The following COQ10B variants were observed in gnomAD, a reference collection of about 807,000 sequenced individuals.
The protein encoded by COQ10B is coenzyme Q-binding protein COQ10 homolog B, mitochondrial.
In COQ10B, 12 loss-of-function variants were observed where a neutral mutation model predicts 27.6. The ratio of observed to expected loss-of-function variants is 0.43; its 90% CI spans 0.28 to 0.70. The LOEUF (loss-of-function observed/expected upper bound fraction) is 0.70, where lower values mean the gene tolerates loss of function less well. Among genes scored for constraint, COQ10B ranks in the 30% least tolerant of loss-of-function variants. The pLI is 0.17. For missense variants in COQ10B, 278 were observed against 288.7 expected, an observed-to-expected ratio of 0.96 and a Z score of 0.27; for synonymous variants, 115 against 103.0, an observed-to-expected ratio of 1.12 and a Z score of -0.71.
Position 197,460,216 on chromosome 2 carries a change from T to C in COQ10B, c.254+135T>C, listed in dbSNP as rs532088613. 58 of 572,690 alleles carry C rather than the reference T, an allele frequency of 1.0e-4. 1 individual carries two copies. The highest frequency in any genetic ancestry group is 6.3e-4 in the Admixed American group (15 of 23,814). The allele number at this position is 572,690 out of a possible 1,614,324, so 35.5% of individuals were successfully genotyped here. On this transcript the variant is annotated intron_variant, in intron 2 of 4. Coordinates refer to ENST00000263960, the MANE Select transcript of COQ10B (RefSeq NM_025147.5). ...TTTCTAGGTTGGCCTTTTTCTTTTT[T>C]TTTTTTTTTTCTTTTGAGATGGAGT... is the stretch of plus-strand genomic sequence containing the variant.
chr2:197,472,800 CAAAAAAAA>C (rs34942079), intron 4 of COQ10B, among the ~76,000 whole-genome samples: 16 of 96,060 alleles, frequency 1.7e-4, no homozygotes, highest in African/African-American at 5.1e-4. Flanking sequence ...GGCTCCATCT[CAAAAAAAA>C]AAAAAAAAAA....
At chr2:197,458,270 G>A (rs141691156) in intron 1 of COQ10B, among the ~76,000 whole-genome samples, 1 of 152,050 alleles carries the variant, frequency 6.6e-6, no homozygotes, top group Non-Finnish European at 1.5e-5. Context: ...TGCTACTAAT[G>A]CCTATGTGTA....
At position 197,474,689 on chromosome 2, in the gene COQ10B, A is replaced by T. The variant is rs909073584; in HGVS notation, c.*765A>T. ...CAACAGAGGGAGACTCTGTCTCCAA[A>T]AACAAAAACAAAAACTGTTAGTGAA... On this transcript the variant is annotated 3_prime_UTR_variant, in exon 5 of 5. Coordinates refer to ENST00000263960, the MANE Select transcript of COQ10B (RefSeq NM_025147.5). 28 of 152,482 alleles carry T rather than the reference A, an allele frequency of 1.8e-4. No individual in the cohort carries two copies. Among genetic ancestry groups the T allele is most frequent in the African/African-American group, 6.3e-4 (26 of 41,568 alleles). 9.4% of individuals were successfully genotyped at this position (152,482 alleles called of 1,614,324 possible).
intron 3 of COQ10B, among the ~76,000 whole-genome samples, chr2:197,463,994 T>TACACACAC (rs1272219094): frequency 7.9e-5 from 4 of 50,856 alleles, no homozygotes; most frequent in Admixed American, 3.7e-4. Flanking sequence ...TATATATATA[T>TACACACAC]ATACACACAC....
chr2:197,472,840 C>G (rs1049821082), intron 4 of COQ10B, among the ~76,000 whole-genome samples: 1 of 149,288 alleles, frequency 6.7e-6, no homozygotes, highest in Non-Finnish European at 1.5e-5. Flanking sequence ...AAACCACTTA[C>G]ACCATCTGCC....
rs1263214767 is a variant in COQ10B, at chr2:197,474,888, G to T, written c.*964G>T. 6.8e-6 allele frequency: 1 copy of T among 146,796 alleles called. No individual in the cohort carries two copies. Among genetic ancestry groups the T allele is most frequent in the Non-Finnish European group, 1.5e-5 (1 of 67,532 alleles). The allele number at this position is 146,796 out of a possible 1,614,324, so 9.1% of individuals were successfully genotyped here. A position where few individuals can be genotyped will look rare whatever the true frequency, so the allele number is the denominator to read the frequency against. The stretch of plus-strand genomic sequence containing the variant: ...TTTCCAGTAGTTTGCCACTTTCTCC[G>T]AGGTAGTTTGGCTGCTCTTTCAGTA... On this transcript the variant is annotated 3_prime_UTR_variant, in exon 5 of 5. Transcript: ENST00000263960.
chr2:197,466,477 A>G (rs1276504334), intron 3 of COQ10B, among the ~76,000 whole-genome samples: 1 of 152,174 alleles, frequency 6.6e-6, no homozygotes, highest in African/African-American at 2.4e-5. Flanking sequence ...CTCCTTGACA[A>G]GACTGTGGTA....
chr2:197,458,581 A>G (rs2085724175), intron 1 of COQ10B, among the ~76,000 whole-genome samples: 1 of 152,174 alleles, frequency 6.6e-6, no homozygotes, highest in Non-Finnish European at 1.5e-5. Flanking sequence ...AGCTCAGTAA[A>G]TATGTGGATA....
At chr2:197,470,279 G>C in intron 4 of COQ10B, 108 bp downstream of exon 4, 1 of 608,432 alleles carries the variant, frequency 1.6e-6, no homozygotes, top group Non-Finnish European at 3.0e-6. Flanking sequence ...ACCTTTTTCT[G>C]CATAAATGCT....
chr2:197,470,755 C>T (rs1162833095), intron 4 of COQ10B, among the ~76,000 whole-genome samples: 14 of 152,088 alleles, frequency 9.2e-5, no homozygotes, highest in Admixed American at 7.9e-4. Context: ...ATTAGCCGGG[C>T]GTGGTGGCAT....
intron 1 of COQ10B, among the ~76,000 whole-genome samples, chr2:197,458,904 A>T (rs1260696504): frequency 2.6e-5 from 4 of 152,078 alleles, no homozygotes; most frequent in African/African-American, 9.7e-5. Flanking sequence ...CTGGTCTTGA[A>T]TTCCTGACCT....
At position 197,454,112 on chromosome 2, in the gene COQ10B, GAA is replaced by G. The variant is rs140359507; in HGVS notation, c.104+450_104+451del. ...GGTCAGATGCGTTTTCCCAATTTCTGAAAGAGTGCTTTGCCCTCGCCATTTAG... is the reference window on the plus strand; with the variant it reads ...GGTCAGATGCGTTTTCCCAATTTCTGAGAGTGCTTTGCCCTCGCCATTTAG... On this transcript the variant is annotated intron_variant, in intron 1 of 4. Transcript: ENST00000263960. The G allele has an allele frequency of 8.6e-3, 13,376 of 1,550,944 alleles. 919 individuals carry two copies. In the African/African-American group the frequency reaches 0.15, roughly 18 times the overall value.
intron 2 of COQ10B, among the ~76,000 whole-genome samples, chr2:197,460,298 T>G (rs1394009702): frequency 6.6e-6 from 1 of 151,642 alleles, no homozygotes; most frequent in Non-Finnish European, 1.5e-5. Context: ...GCCTCTCAGA[T>G]TCAAGAGATT....
intron 3 of COQ10B, among the ~76,000 whole-genome samples, chr2:197,463,002 C>A (rs1388238962): frequency 6.6e-6 from 1 of 151,990 alleles, no homozygotes; most frequent in Non-Finnish European, 1.5e-5. Context: ...ACTTGCGCCA[C>A]CCAAGTGGGA....
chr2:197,467,794 T>C lies in COQ10B; in HGVS notation c.448-2276T>C, dbSNP rs563138377. ...GCCATGTGACAGTTCTGTGAATTAT[T>C]AGCTGACCAAAACATGCCTGTCACT... On this transcript the variant is annotated intron_variant, in intron 3 of 4. Coordinates refer to ENST00000263960, the MANE Select transcript of COQ10B (RefSeq NM_025147.5). Among the ~76,000 whole-genome samples the C allele has an allele frequency of 9.8e-5, 15 of 152,368 alleles. No individual in the cohort carries two copies. In the South Asian group the frequency reaches 3.1e-3, roughly 32 times the overall value.
intron 1 of COQ10B, among the ~76,000 whole-genome samples, chr2:197,459,482 G>T (rs1027092836): frequency 6.6e-6 from 1 of 152,098 alleles, no homozygotes; most frequent in Non-Finnish European, 1.5e-5. Flanking sequence ...CTCACCATCT[G>T]GTAGGTGGTC....
chr2:197,458,376 A>G (rs542562964), intron 1 of COQ10B, among the ~76,000 whole-genome samples: 89 of 152,198 alleles, frequency 5.8e-4, no homozygotes, highest in African/African-American at 2.0e-3. Context: ...ACTATGTCTC[A>G]GCTAAAATCT....
intron 1 of COQ10B, among the ~76,000 whole-genome samples, chr2:197,455,634 A>C (rs1236666162): frequency 1.3e-5 from 2 of 151,788 alleles, no homozygotes; most frequent in Non-Finnish European, 2.9e-5. Flanking sequence ...CACTGCACTC[A>C]TTCCTGGGCA....
intron 1 of COQ10B, among the ~76,000 whole-genome samples, chr2:197,456,374 A>C (rs1337328597): frequency 6.6e-6 from 1 of 151,588 alleles, no homozygotes; most frequent in African/African-American, 2.4e-5. Flanking sequence ...CTGAGGCAGG[A>C]GAATCGCTTG....
Sources: gnomAD v4.1 joint callset for allele counts (sites outside exome capture counted in the v4.1 genomes callset) on GRCh38, gnomAD v4.1.1 for gene constraint, MANE v1.5 for transcripts, NCBI Gene and HGNC (gene_info 2026-07-23, HGNC 2026-07-21) for gene names.